Variants in XPO4 observed in about 807,000 individuals in gnomAD.
XPO4 encodes the protein exportin 4, also known as exportin-4.
XPO4 carries 39 observed loss-of-function variants against 143.0 expected under a neutral mutation model. The observed-to-expected ratio is 0.27, with a 90% CI of 0.21 to 0.36. The LOEUF is 0.36. XPO4 is among the 10% of genes least tolerant of loss of function. XPO4 has a pLI of 1.00. For synonymous variants in XPO4, 439 were observed against 474.0 expected, an observed-to-expected ratio of 0.93 and a Z score of 0.96; for missense variants, 907 against 1,348.0, an observed-to-expected ratio of 0.67 and a Z score of 5.12.
chr13:20,798,634 TCA>T (rs1419883969), intron 16 of XPO4, among the ~76,000 whole-genome samples: 2 of 152,166 alleles, frequency 1.3e-5, no homozygotes, highest in Non-Finnish European at 2.9e-5. Context: ...TTCAATGTCA[TCA>T]CACACAGGCA....
rs150400673 is a variant in XPO4 at position 20,842,977 on chromosome 13, G to C, written c.645C>G (p.Leu215=). 3,661 of 1,613,528 alleles carry C rather than the reference G, an allele frequency of 2.3e-3. 19 individuals carry two copies. The highest frequency in any genetic ancestry group is 0.022 in the Middle Eastern group (131 of 6,062). The change falls in exon 6 of 23, where the codon CTC becomes CTG. Residue 215 remains leucine (L), a synonymous_variant. Coordinates refer to ENST00000255305, the MANE Select transcript of XPO4 (RefSeq NM_022459.5). ...GAAATACTGAAGACATCTGAGCATTGAGGTTTTCCCGCCTGCTGAACTCCT... is the reference window on the plus strand; with the variant it reads ...GAAATACTGAAGACATCTGAGCATTCAGGTTTTCCCGCCTGCTGAACTCCT... ...VLQEFSRREN[L]NAQMSSVFQR... is the part of the protein sequence containing the mutation.
At chr13:20,811,291 T>A (rs2059578682) in intron 9 of XPO4, among the ~76,000 whole-genome samples, 1 of 148,698 alleles carries the variant, frequency 6.7e-6, no homozygotes, top group East Asian at 1.9e-4. Context: ...CTTTTTTCTT[T>A]TTTTTTTTTT....
In XPO4 at chr13:20,889,249, T is replaced by C. The variant is rs558672611; in HGVS notation, c.69+13421A>G. Reference sequence around the variant, plus strand: ...GCCATGTGCGCATGGCTAGTAATTATCACATTGCAAAACACAAATACAGAA... The same window carrying C: ...GCCATGTGCGCATGGCTAGTAATTACCACATTGCAAAACACAAATACAGAA... On this transcript the variant is annotated intron_variant, in intron 1 of 22. Transcript: ENST00000255305. Among the ~76,000 whole-genome samples, 34 of 152,330 alleles carry C rather than the reference T, an allele frequency of 2.2e-4. No individual in the cohort carries two copies. In the South Asian group the frequency reaches 6.6e-3, roughly 30 times the overall value.
In XPO4 at chr13:20,778,157, A is replaced by G. The variant is rs958401334; in HGVS notation, c.*5565T>C. ...AGTTATAGATGTGTATTTATTTGGGACCTTTGAAATCATCTGTGGGTCTCA... is the reference window on the plus strand; with the variant it reads ...AGTTATAGATGTGTATTTATTTGGGGCCTTTGAAATCATCTGTGGGTCTCA... On this transcript the variant is annotated 3_prime_UTR_variant, in exon 23 of 23. Coordinates refer to ENST00000255305, the MANE Select transcript of XPO4 (RefSeq NM_022459.5). The G allele has an allele frequency of 1.3e-5, 2 of 152,184 alleles. No individual in the cohort carries two copies. Among genetic ancestry groups the G allele is most frequent in the African/African-American group, 2.4e-5 (1 of 41,446 alleles). 9.4% of individuals were successfully genotyped at this position (152,184 alleles called of 1,614,324 possible). A position where few individuals can be genotyped will look rare whatever the true frequency, so the allele number is the denominator to read the frequency against.
At chr13:20,786,813 A>G (rs1387861975) in intron 22 of XPO4, 152 bp downstream of exon 22, 1 of 550,804 alleles carries the variant, frequency 1.8e-6, no homozygotes, top group Non-Finnish European at 3.1e-6. Flanking sequence ...GAAAGCTAAT[A>G]AAGAAGCTAA....
intron 2 of XPO4, among the ~76,000 whole-genome samples, chr13:20,863,564 A>C (rs2060220154): frequency 6.6e-6 from 1 of 152,258 alleles, no homozygotes; most frequent in South Asian, 2.1e-4. Context: ...ATAGAAAATT[A>C]ACACACTTTA....
intron 22 of XPO4, among the ~76,000 whole-genome samples, chr13:20,784,407 G>C (rs1048247630): frequency 2.6e-5 from 4 of 152,220 alleles, no homozygotes; most frequent in Non-Finnish European, 5.9e-5. Context: ...GAGTCTTTTG[G>C]GAGGACGGGG....
rs563744348 is a variant in XPO4 at position 20,821,966 on chromosome 13, ACT to A, written c.999-90_999-89del. 1.2e-4 allele frequency: 168 copies of A among 1,403,670 alleles called. 4 individuals carry two copies. The South Asian group carries it at 2.4e-3, about 20-fold the overall frequency. The allele number at this position is 1,403,670 out of a possible 1,614,324, so 87.0% of individuals were successfully genotyped here. ...CATTTCCAAACAAGCAAATATCGTTACTGATTCATTTTAAAAGGTATGTCTCT... is the reference window on the plus strand; with the variant it reads ...CATTTCCAAACAAGCAAATATCGTTAGATTCATTTTAAAAGGTATGTCTCT... On this transcript the variant is annotated intron_variant, in intron 8 of 22. Transcript: ENST00000255305.
chr13:20,812,204 C>G (rs1184486180), intron 9 of XPO4, among the ~76,000 whole-genome samples: 1 of 152,022 alleles, frequency 6.6e-6, no homozygotes, highest in African/African-American at 2.4e-5. Flanking sequence ...AACCCCATCT[C>G]TACTAAAAAC....
chr13:20,814,464 CA>C, intron 9 of XPO4, among the ~76,000 whole-genome samples: 1 of 152,372 alleles, frequency 6.6e-6, no homozygotes, highest in Middle Eastern at 3.4e-3. Flanking sequence ...GACTTCTAAA[CA>C]GCCTTCTGGT....
At chr13:20,840,674 T>A (rs1466110236) in intron 6 of XPO4, among the ~76,000 whole-genome samples, 1 of 152,212 alleles carries the variant, frequency 6.6e-6, no homozygotes, top group African/African-American at 2.4e-5. Context: ...TTAGTCAGAA[T>A]TGAGTTCCTT....
intron 1 of XPO4, chr13:20,902,123 C>T (rs2060626241): frequency 4.1e-6 from 4 of 985,394 alleles, no homozygotes; most frequent in Non-Finnish European, 4.8e-6. Context: ...GATTCCCCTC[C>T]CTCCCTCCAG....
intron 4 of XPO4, chr13:20,852,568 C>T (rs746600585): frequency 1.2e-5 from 12 of 982,754 alleles, no homozygotes; most frequent in Non-Finnish European, 1.4e-5. Flanking sequence ...ATGAACAAAT[C>T]TTATAATATT....
rs185350649 is a variant in XPO4 at position 20,874,539 on chromosome 13, C to T, written c.70-5838G>A. 6.6e-5 allele frequency among the ~76,000 whole-genome samples: 10 copies of T among 152,310 alleles called. No individual in the cohort carries two copies. The East Asian group carries it at 1.9e-3, about 29-fold the overall frequency. On this transcript the variant is annotated intron_variant, in intron 1 of 22. Transcript: ENST00000255305. ...TGCCAACTAACTCAAGAGTGGGGTC[C>T]TGATAAAAGGTTAAATTAGGCCCTA... is the stretch of plus-strand genomic sequence containing the variant.
At chr13:20,822,092 T>C (rs1166646601) in intron 8 of XPO4, 40 bp downstream of exon 8, 6 of 1,565,274 alleles carry the variant, frequency 3.8e-6, no homozygotes, top group South Asian at 1.2e-5. Flanking sequence ...ACACAAAACG[T>C]AGAGCTCCTT....
At chr13:20,789,966 A>C (rs980720218) in intron 19 of XPO4, among the ~76,000 whole-genome samples, 3 of 152,166 alleles carry the variant, frequency 2.0e-5, no homozygotes, top group African/African-American at 7.2e-5. Flanking sequence ...GGCATAATGT[A>C]GTCAGAATGT....
intron 16 of XPO4, 36 bp downstream of exon 16, chr13:20,799,129 A>T: frequency 6.5e-7 from 1 of 1,534,688 alleles, no homozygotes; most frequent in Non-Finnish European, 8.8e-7. Flanking sequence ...ACAGAGTTAC[A>T]CAAAAGGGTG....
intron 3 of XPO4, among the ~76,000 whole-genome samples, chr13:20,858,586 T>C (rs149651077): frequency 6.6e-6 from 1 of 152,076 alleles, no homozygotes; most frequent in African/African-American, 2.4e-5. Flanking sequence ...AAAATATGTA[T>C]GTAAGCCAGG....
chr13:20,791,268 A>G (rs9552281), intron 18 of XPO4, among the ~76,000 whole-genome samples: 36,818 of 152,122 alleles, frequency 0.24, 6,065 homozygotes, highest in East Asian at 0.8. Flanking sequence ...CTTCTGATTC[A>G]TTACATTAAA....
Sources: allele counts gnomAD v4.1 joint callset (sites outside exome capture counted in the v4.1 genomes callset), GRCh38; gene constraint gnomAD v4.1.1; transcripts MANE v1.5; gene names NCBI Gene and HGNC (gene_info 2026-07-23, HGNC 2026-07-21).